Variants in FBXL13 observed in about 807,000 individuals in gnomAD.
FBXL13 encodes F-box and leucine-rich repeat protein 13.
Under a neutral mutation model 83.6 loss-of-function variants are expected in FBXL13, and 67 were observed. The observed-to-expected ratio is 0.80, with a 90% CI of 0.66 to 0.98. The LOEUF is 0.98. Ranked by LOEUF, FBXL13 falls within the 50% of genes least tolerant of loss-of-function variation. The pLI is 0.00. For missense variants in FBXL13, 822 were observed against 866.5 expected (o/e 0.95, Z 0.64); for synonymous variants, 272 against 299.5 (o/e 0.91, Z 0.95).
exon 19 of FBXL13, chr7:102,822,165 G>A: frequency 1.2e-6 from 2 of 1,614,126 alleles, no homozygotes; most frequent in Non-Finnish European, 1.7e-6. Flanking sequence ...GCAGGTAATG[G>A]CATTTTGCCG....
intron 8 of FBXL13, among the ~76,000 whole-genome samples, chr7:102,951,735 G>A (rs1823442502): frequency 6.7e-6 from 1 of 149,502 alleles, no homozygotes; most frequent in Non-Finnish European, 1.5e-5. Flanking sequence ...AGCCCAACAG[G>A]TTGAGGCTGC....
chr7:103,055,347 G>A (rs1039241182), intron 2 of FBXL13, among the ~76,000 whole-genome samples, 169 bp from the exon 3 acceptor site: 5 of 152,122 alleles, frequency 3.3e-5, no homozygotes, highest in African/African-American at 9.7e-5. Context: ...AACTACTCTC[G>A]CAAGATTTTG....
At chr7:103,022,682 A>T (rs932054561) in intron 6 of FBXL13, among the ~76,000 whole-genome samples, 1 of 152,214 alleles carries the variant, frequency 6.6e-6, no homozygotes, top group Admixed American at 6.5e-5. Context: ...CTCAATATAG[A>T]TGCAAGACTT....
At chr7:102,967,621 T>G (rs1280848176) in intron 7 of FBXL13, among the ~76,000 whole-genome samples, 1 of 152,158 alleles carries the variant, frequency 6.6e-6, no homozygotes, top group Non-Finnish European at 1.5e-5. Context: ...TTATGAGTTA[T>G]GAAAAGGCCA....
chr7:102,849,366 C>T (rs918627850), intron 17 of FBXL13, among the ~76,000 whole-genome samples: 6 of 152,180 alleles, frequency 3.9e-5, no homozygotes, highest in African/African-American at 1.4e-4. Flanking sequence ...ACTGACTCTG[C>T]GTGTGCTGTG....
At chr7:102,855,425 A>G (rs528034849) in intron 16 of FBXL13, among the ~76,000 whole-genome samples, 170 of 152,200 alleles carry the variant, frequency 1.1e-3, no homozygotes, top group Non-Finnish European at 1.8e-3. Flanking sequence ...AAGAGATTGC[A>G]CTTTCAGCCA....
intron 6 of FBXL13, among the ~76,000 whole-genome samples, chr7:102,996,454 T>G (rs1044882717): frequency 5.3e-5 from 8 of 152,230 alleles, no homozygotes; most frequent in Non-Finnish European, 7.3e-5. Flanking sequence ...TTTTGCCTTT[T>G]TACTGCAACC....
intron 6 of FBXL13, chr7:102,976,345 TC>T (rs1827455747): frequency 1.6e-6 from 1 of 609,752 alleles, no homozygotes; most frequent in African/African-American, 1.8e-5. Context: ...TGAACAAGCC[TC>T]CAAACCCTGA....
intron 8 of FBXL13, among the ~76,000 whole-genome samples, chr7:102,941,545 C>G (rs1029996317): frequency 1.3e-5 from 2 of 152,148 alleles, no homozygotes; most frequent in African/African-American, 4.8e-5. Flanking sequence ...TTCTCCATTG[C>G]AATTCCCCTG....
At chr7:102,933,851 CA>C in intron 8 of FBXL13, 1 of 1,466,632 alleles carries the variant, frequency 6.8e-7, no homozygotes, top group Non-Finnish European at 9.1e-7. Flanking sequence ...ACTTGGATTT[CA>C]AAGGAATACT....
At chr7:102,823,323 A>G (rs1799076668) in intron 18 of FBXL13, among the ~76,000 whole-genome samples, 1 of 152,222 alleles carries the variant, frequency 6.6e-6, no homozygotes, top group Non-Finnish European at 1.5e-5. Flanking sequence ...CCCAAAGTTA[A>G]TCTGCAGACA....
intron 6 of FBXL13, among the ~76,000 whole-genome samples, chr7:102,969,529 G>C (rs937260501): frequency 2.6e-5 from 4 of 152,010 alleles, no homozygotes; most frequent in Non-Finnish European, 4.4e-5. Context: ...CCAGGATTAT[G>C]AAACAGAAAG....
chr7:102,972,309 T>C (rs1826788713), intron 6 of FBXL13, among the ~76,000 whole-genome samples: 1 of 152,170 alleles, frequency 6.6e-6, no homozygotes, highest in Non-Finnish European at 1.5e-5. Flanking sequence ...GAGTTAGTGT[T>C]CTAAATTTCA....
At chr7:103,073,519 G>A (rs1383575586) in intron 1 of FBXL13, among the ~76,000 whole-genome samples, 2 of 151,902 alleles carry the variant, frequency 1.3e-5, no homozygotes, top group Non-Finnish European at 2.9e-5. Context: ...ATGTCTTGGA[G>A]GACATTTCTT....
exon 14 of FBXL13, chr7:102,883,408 T>G: frequency 1.9e-6 from 3 of 1,613,680 alleles, no homozygotes; most frequent in Non-Finnish European, 1.7e-6. Flanking sequence ...TAAATGTGAC[T>G]GAGATTTGGA....
Position 102,888,729 on chromosome 7 carries a change from G to GT in FBXL13, c.1009-4418dup, listed in dbSNP as rs370127425. Among the ~76,000 whole-genome samples, 72 of 150,908 alleles carry GT rather than the reference G, an allele frequency of 4.8e-4. No homozygotes were observed. The South Asian group carries it at 6.7e-3, about 14-fold the overall frequency. On this transcript the variant is annotated intron_variant, in intron 11 of 19. Transcript: ENST00000313221. ...TGAGGTGGTTTTTTTGTTTGTTTTT[G>GT]TTTTTTTTTGTACTGCTATGAATTC...
intron 17 of FBXL13, among the ~76,000 whole-genome samples, chr7:102,853,579 A>T (rs1310307563): frequency 2.6e-5 from 4 of 152,224 alleles, no homozygotes; most frequent in African/African-American, 9.6e-5. Flanking sequence ...CAGAGTGAAG[A>T]GGCAACCCAC....
chr7:102,934,403 C>T, intron 8 of FBXL13: 1 of 1,614,128 alleles, frequency 6.2e-7, no homozygotes, highest in South Asian at 1.1e-5. Context: ...TTATGACAAC[C>T]CCTGGCACTG....
intron 9 of FBXL13, among the ~76,000 whole-genome samples, chr7:102,926,704 C>G (rs566394885): frequency 6.6e-6 from 1 of 152,294 alleles, no homozygotes; most frequent in African/African-American, 2.4e-5. Context: ...ACACTTCTGA[C>G]TCTTCATATG....
Sources: allele counts gnomAD v4.1 joint callset (sites outside exome capture counted in the v4.1 genomes callset), GRCh38; gene constraint gnomAD v4.1.1; transcripts MANE v1.5; gene names NCBI Gene and HGNC (gene_info 2026-07-23, HGNC 2026-07-21).